FAM83B: variants seen among roughly 807,000 people sequenced by gnomAD.
FAM83B encodes scaffolding CK1 anchoring protein B, also known as protein FAM83B.
FAM83B carries 26 observed loss-of-function variants against 38.8 expected under a neutral mutation model. The observed-to-expected ratio is 0.67, with a 90% CI of 0.49 to 0.93. The LOEUF (loss-of-function observed/expected upper bound fraction) is 0.93. Among genes scored for constraint, FAM83B ranks in the 40% least tolerant of loss-of-function variants. The pLI is 0.00. For missense variants in FAM83B, 1,237 were observed against 1,197.3 expected (o/e 1.03, Z -0.49); for synonymous variants, 419 against 423.1 (o/e 0.99, Z 0.12).
At chr6:54,935,333 T>C (rs1311283299) in intron 4 of FAM83B, among the ~76,000 whole-genome samples, 1 of 152,086 alleles carries the variant, frequency 6.6e-6, no homozygotes, top group Non-Finnish European at 1.5e-5. Context: ...AACCATCTGA[T>C]AGTGGTAATG....
intron 2 of FAM83B, among the ~76,000 whole-genome samples, chr6:54,899,543 A>T (rs1772610432): frequency 6.6e-6 from 1 of 152,142 alleles, no homozygotes; most frequent in Non-Finnish European, 1.5e-5. Flanking sequence ...ATTTCTCACA[A>T]TTCTGGAGAC....
At chr6:54,869,802 C>T (rs1231900384) in intron 1 of FAM83B, among the ~76,000 whole-genome samples, 5 of 152,146 alleles carry the variant, frequency 3.3e-5, no homozygotes, top group South Asian at 2.1e-4. Context: ...TTTGCCTCCT[C>T]AACTAATTAA....
chr6:54,907,354 AAAC>A (rs1443134570), intron 2 of FAM83B, among the ~76,000 whole-genome samples: 10 of 152,030 alleles, frequency 6.6e-5, no homozygotes, highest in Admixed American at 6.6e-5. Context: ...CGTGGAAAAT[AAAC>A]AACCACAAAG....
At chr6:54,922,126 G>C (rs1057475957) in intron 2 of FAM83B, among the ~76,000 whole-genome samples, 1 of 151,974 alleles carries the variant, frequency 6.6e-6, no homozygotes, top group Non-Finnish European at 1.5e-5. Context: ...TCTGCATTTA[G>C]TGTGACAGAA....
intron 4 of FAM83B, among the ~76,000 whole-genome samples, chr6:54,929,170 C>A (rs1269177912): frequency 1.3e-5 from 2 of 151,962 alleles, no homozygotes; most frequent in African/African-American, 4.8e-5. Context: ...TTTTTTCTGA[C>A]ATTATCATGG....
At chr6:54,920,379 A>G (rs1773142530) in intron 2 of FAM83B, among the ~76,000 whole-genome samples, 1 of 149,794 alleles carries the variant, frequency 6.7e-6, no homozygotes, top group Non-Finnish European at 1.5e-5. Context: ...TCTTCTGCTG[A>G]AAAAAATAAA....
At chr6:54,894,603 A>T (rs1184606795) in intron 2 of FAM83B, among the ~76,000 whole-genome samples, 1 of 152,128 alleles carries the variant, frequency 6.6e-6, no homozygotes, top group Non-Finnish European at 1.5e-5. Context: ...AAGAAGTAGA[A>T]CTCCACAGGG....
intron 2 of FAM83B, among the ~76,000 whole-genome samples, chr6:54,909,045 C>A (rs1772845210): frequency 6.6e-6 from 1 of 152,130 alleles, no homozygotes. Context: ...GGAAATAATA[C>A]TACTTGTCTA....
intron 4 of FAM83B, among the ~76,000 whole-genome samples, chr6:54,933,937 G>A (rs1773476382): frequency 6.6e-6 from 1 of 152,058 alleles, no homozygotes; most frequent in Non-Finnish European, 1.5e-5. Flanking sequence ...CTCTCTGTTT[G>A]TTTCATGCTG....
chr6:54,937,307 A>G lies in FAM83B; in HGVS notation c.735-2399A>G, dbSNP rs140327223. Among the ~76,000 whole-genome samples the G allele has an allele frequency of 6.7e-3, 1,024 of 152,160 alleles. 14 individuals carry two copies. Among genetic ancestry groups the G allele is most frequent in the African/African-American group, 0.024 (990 of 41,534 alleles). On this transcript the variant is annotated intron_variant, in intron 4 of 4. Coordinates refer to ENST00000306858, the MANE Select transcript of FAM83B (RefSeq NM_001010872.3). ...AATTTTAAAGGTAGCTGTTACCTCT[A>G]AACTCTAGGAAAGGAATTGGAGCTT...
chr6:54,944,470 TC>T lies in FAM83B; in HGVS notation c.*2466del, dbSNP rs763073960. On this transcript the variant is annotated 3_prime_UTR_variant, in exon 5 of 5. Coordinates refer to ENST00000306858, the MANE Select transcript of FAM83B (RefSeq NM_001010872.3). The stretch of plus-strand genomic sequence containing the variant: ...AGAGAATACTGCAAGTGACCCTGTA[TC>T]CCGAATACACAGATATCCCTCTATT... 6.6e-6 allele frequency: 1 copy of T among 152,188 alleles called. No homozygotes were observed. The highest frequency in any genetic ancestry group is 1.5e-5 in the Non-Finnish European group (1 of 68,026). 9.4% of individuals were successfully genotyped at this position (152,188 alleles called of 1,614,324 possible).
At position 54,926,583 on chromosome 6, in the gene FAM83B, C is replaced by G. The variant is rs1205069800; in HGVS notation, c.609+48C>G. On this transcript the variant is annotated intron_variant, in intron 3 of 4. Transcript: ENST00000306858. Reference sequence around the variant, plus strand: ...CCTCAAGTATTTTATGTGTCATTTTCAACTCAGTCAAATGTAAGGCATCTT... The same window carrying G: ...CCTCAAGTATTTTATGTGTCATTTTGAACTCAGTCAAATGTAAGGCATCTT... 3 of 1,404,872 alleles carry G rather than the reference C, an allele frequency of 2.1e-6. No homozygotes were observed. The African/African-American group carries it at 4.3e-5, about 20-fold the overall frequency. 87.0% of individuals were successfully genotyped at this position (1,404,872 alleles called of 1,614,324 possible).
chr6:54,944,743 G>T lies in FAM83B; in HGVS notation c.*2736G>T, dbSNP rs746599717. On this transcript the variant is annotated 3_prime_UTR_variant, in exon 5 of 5. Coordinates refer to ENST00000306858, the MANE Select transcript of FAM83B (RefSeq NM_001010872.3). ...TTCTGCCTTATGCCTGTGGCTAAGG[G>T]ATGCAAAGTAGAATTGCTTTACATT... is the stretch of plus-strand genomic sequence containing the variant. The T allele has an allele frequency of 8.5e-5, 13 of 152,124 alleles. No homozygotes were observed. Among genetic ancestry groups the T allele is most frequent in the Admixed American group, 1.3e-4 (2 of 15,274 alleles). 9.4% of individuals were successfully genotyped at this position (152,124 alleles called of 1,614,324 possible).
intron 2 of FAM83B, among the ~76,000 whole-genome samples, chr6:54,911,900 A>T (rs1205659040): frequency 6.6e-6 from 1 of 152,140 alleles, no homozygotes; most frequent in Non-Finnish European, 1.5e-5. Flanking sequence ...AGATGAAATT[A>T]TTCAGCCTTT....
rs375210302 is a variant in FAM83B, at chr6:54,941,294, T to G, written c.2323T>G (p.Leu775Val). Reference protein sequence around the residue: ...PSFLKKGSQKLRSLLSLTPDK... With the variant: ...PSFLKKGSQKVRSLLSLTPDK... ...TTTTTTGAAAAAGGGGTCTCAGAAG[T>G]TAAGGTCATTACTTAGCCTTACCCC... The change falls in exon 5 of 5, where the codon TTA becomes GTA. Residue 775 changes from leucine (L) to valine (V), a missense_variant. By Grantham distance (32) the Leu-to-Val change is conservative. Coordinates refer to ENST00000306858, the MANE Select transcript of FAM83B (RefSeq NM_001010872.3). 8.5e-5 allele frequency: 137 copies of G among 1,610,978 alleles called. 1 individual carries two copies. The highest frequency in any genetic ancestry group is 1.1e-4 in the Non-Finnish European group (125 of 1,179,294).
chr6:54,911,186 T>A (rs1258586075), intron 2 of FAM83B, among the ~76,000 whole-genome samples: 1 of 143,648 alleles, frequency 7.0e-6, no homozygotes, highest in Non-Finnish European at 1.5e-5. Context: ...AGAAAAATAT[T>A]TTATACATTT....
chr6:54,940,536 G>T lies in FAM83B; in HGVS notation c.1565G>T (p.Gly522Val). 6.2e-7 allele frequency: 1 copy of T among 1,614,028 alleles called. No homozygotes were observed. The highest frequency in any genetic ancestry group is 8.5e-7 in the Non-Finnish European group (1 of 1,180,008). The change falls in exon 5 of 5, where the codon GGC becomes GTC. Residue 522 changes from glycine to valine, a missense_variant. Physicochemically the swap from Gly to Val is moderately radical, Grantham distance 109. Coordinates refer to ENST00000306858, the MANE Select transcript of FAM83B (RefSeq NM_001010872.3). ...TCAGCTTTAGGTGACCGATTTGAGG[G>T]CTATGATAATCCTGAGAATTTGAAG... is the stretch of plus-strand genomic sequence containing the variant. ...NGSALGDRFE[G>V]YDNPENLKAN...
intron 1 of FAM83B, among the ~76,000 whole-genome samples, chr6:54,859,409 G>C (rs1242813678): frequency 6.6e-6 from 1 of 152,068 alleles, no homozygotes; most frequent in Non-Finnish European, 1.5e-5. Context: ...CTCTAGTTTA[G>C]ACTTTAGTCA....
At chr6:54,924,914 AC>A (rs1773255250) in intron 2 of FAM83B, among the ~76,000 whole-genome samples, 1 of 152,168 alleles carries the variant, frequency 6.6e-6, no homozygotes, top group African/African-American at 2.4e-5. Flanking sequence ...AGTAGCCAGA[AC>A]AATCCTTTCA....
Sources: allele counts gnomAD v4.1 joint callset (sites outside exome capture counted in the v4.1 genomes callset), GRCh38; gene constraint gnomAD v4.1.1; transcripts MANE v1.5; gene names NCBI Gene and HGNC (gene_info 2026-07-23, HGNC 2026-07-21).